Variants in AGBL1 observed in about 807,000 individuals in gnomAD.
AGBL1 encodes the protein AGBL carboxypeptidase 1.
In AGBL1, 130 loss-of-function variants were observed where a neutral mutation model predicts 118.9. That is an observed-to-expected ratio of 1.09 (90% CI 0.95 to 1.26). AGBL1 has a LOEUF of 1.26. Among genes scored for constraint, AGBL1 ranks in the 50% most tolerant of loss-of-function variants. AGBL1 has a pLI of 0.00. For synonymous variants in AGBL1, 555 were observed against 478.9 expected (o/e 1.16, Z -2.08); for missense variants, 1,584 against 1,298.1 (o/e 1.22, Z -3.38).
At chr15:86,827,505 A>G (rs1234769860) in intron 22 of AGBL1, among the ~76,000 whole-genome samples, 6 of 62,514 alleles carry the variant, frequency 9.6e-5, no homozygotes, top group South Asian at 5.5e-4. Flanking sequence ...ATATATATAT[A>G]TATATATATA....
Position 86,236,062 on chromosome 15 carries a change from C to T in AGBL1, c.526+11111C>T, listed in dbSNP as rs769352733. Among the ~76,000 whole-genome samples, 132 of 152,340 alleles carry T rather than the reference C, an allele frequency of 8.7e-4. 3 individuals carry two copies. Among genetic ancestry groups the T allele is most frequent in the Middle Eastern group, 6.8e-3 (2 of 294 alleles). On this transcript the variant is annotated intron_variant, in intron 6 of 22. Coordinates refer to ENST00000614907, the MANE Select transcript of AGBL1 (RefSeq NM_001386094.1). ...ATATTGGGACTAACCTCTACTCCTT[C>T]CTTTCACTACTGCAGGTTTTAAACT...
At position 86,468,410 on chromosome 15, in the gene AGBL1, T is replaced by A. The variant is rs560839812; in HGVS notation, c.2556-54400T>A. 5.9e-5 allele frequency among the ~76,000 whole-genome samples: 9 copies of A among 152,292 alleles called. No individual in the cohort carries two copies. The South Asian group carries it at 1.9e-3, about 32-fold the overall frequency. ...AGGCTTGTTAAGCTTGGGGTGTAGTTTCCCAGACCGCACTGCTGGAATCTG... is the reference window on the plus strand; with the variant it reads ...AGGCTTGTTAAGCTTGGGGTGTAGTATCCCAGACCGCACTGCTGGAATCTG... On this transcript the variant is annotated intron_variant, in intron 18 of 22. Transcript: ENST00000614907.
intron 22 of AGBL1, among the ~76,000 whole-genome samples, chr15:86,779,244 T>A (rs1046020830): frequency 1.3e-5 from 2 of 152,238 alleles, no homozygotes; most frequent in Non-Finnish European, 2.9e-5. Flanking sequence ...GAAGGCACCA[T>A]CTGTGAACCA....
intron 18 of AGBL1, among the ~76,000 whole-genome samples, chr15:86,516,004 G>A (rs1596212379): frequency 6.6e-6 from 1 of 152,270 alleles, no homozygotes; most frequent in Middle Eastern, 3.4e-3. Context: ...TCAAAGCGGG[G>A]GAGGGAGCTT....
rs79626982 is a variant in AGBL1, at chr15:86,894,437, A to C, written c.3159-12650A>C. 5.8e-4 allele frequency among the ~76,000 whole-genome samples: 89 copies of C among 152,264 alleles called. 4 individuals carry two copies. The East Asian group carries it at 0.017, about 29-fold the overall frequency. On this transcript the variant is annotated intron_variant, in intron 22 of 22. Coordinates refer to ENST00000614907, the MANE Select transcript of AGBL1 (RefSeq NM_001386094.1). ...TGAGCTGCAGAGAGAGCAACTCTGC[A>C]TGACGTTGGAGCTTTATTTTAGAAG...
At chr15:86,250,825 C>G (rs1390868) in intron 7 of AGBL1, among the ~76,000 whole-genome samples, 1 of 152,204 alleles carries the variant, frequency 6.6e-6, no homozygotes. Context: ...CACCCCTCCT[C>G]TCCCTTCTGC....
chr15:86,512,833 T>C (rs998209085), intron 18 of AGBL1, among the ~76,000 whole-genome samples: 1 of 151,766 alleles, frequency 6.6e-6, no homozygotes, highest in Non-Finnish European at 1.5e-5. Context: ...CTACACTAGG[T>C]TTTATTTACA....
rs983182218 is a variant in AGBL1 at position 86,280,512 on chromosome 15, C to T, written c.2220+729C>T. ...CATTTGAAAAAGCTGGCAAACTAAC[C>T]CTTACTGCTACCATTTCGTGGATAT... On this transcript the variant is annotated intron_variant, in intron 16 of 22. Transcript: ENST00000614907. Among the ~76,000 whole-genome samples the T allele has an allele frequency of 5.9e-5, 9 of 152,278 alleles. 1 individual carries two copies. In the Middle Eastern group the frequency reaches 0.027, roughly 460 times the overall value.
chr15:86,519,063 T>A lies in AGBL1; in HGVS notation c.2556-3747T>A, dbSNP rs550556492. Among the ~76,000 whole-genome samples, 17 of 152,252 alleles carry A rather than the reference T, an allele frequency of 1.1e-4. 1 individual carries two copies. In the South Asian group the frequency reaches 3.5e-3, roughly 32 times the overall value. ...GAAGTGGATAATTTTTCCCTGTAAC[T>A]TATTTTCAGTGAAGGGAAAAATAAC... is the stretch of plus-strand genomic sequence containing the variant. On this transcript the variant is annotated intron_variant, in intron 18 of 22. Transcript: ENST00000614907.
chr15:87,019,939 A>G (rs2081645506), intron 24 of AGBL1, among the ~76,000 whole-genome samples: 2 of 151,976 alleles, frequency 1.3e-5, no homozygotes, highest in Non-Finnish European at 2.9e-5. Context: ...ATCACCACTG[A>G]CCCCACAGAA....
chr15:86,797,111 G>T (rs1349233077), intron 22 of AGBL1, among the ~76,000 whole-genome samples: 1 of 152,182 alleles, frequency 6.6e-6, no homozygotes, highest in Non-Finnish European at 1.5e-5. Flanking sequence ...TGACCTTGCA[G>T]GACCTCTGAA....
At chr15:86,720,155 G>T (rs954056359) in intron 22 of AGBL1, among the ~76,000 whole-genome samples, 1 of 152,132 alleles carries the variant, frequency 6.6e-6, no homozygotes, top group East Asian at 1.9e-4. Flanking sequence ...ACTTACATGG[G>T]CAATCAATCC....
intron 21 of AGBL1, among the ~76,000 whole-genome samples, chr15:86,562,998 A>T (rs1313081664): frequency 1.3e-5 from 2 of 151,812 alleles, no homozygotes; most frequent in African/African-American, 4.8e-5. Flanking sequence ...TATCCCCTTT[A>T]TCATTTTTTA....
intron 22 of AGBL1, among the ~76,000 whole-genome samples, chr15:86,872,209 C>A (rs2079739447): frequency 6.6e-6 from 1 of 152,194 alleles, no homozygotes; most frequent in East Asian, 1.9e-4. Context: ...AAATCACAAG[C>A]AGTGCCTGTG....
At chr15:86,561,849 C>T (rs1415078287) in intron 21 of AGBL1, among the ~76,000 whole-genome samples, 1 of 152,110 alleles carries the variant, frequency 6.6e-6, no homozygotes, top group Non-Finnish European at 1.5e-5. Context: ...GTTTGTAGTT[C>T]TCCTTGAAGA....
chr15:86,960,627 C>T (rs1421983070), intron 23 of AGBL1, among the ~76,000 whole-genome samples: 2 of 151,818 alleles, frequency 1.3e-5, no homozygotes, highest in Non-Finnish European at 2.9e-5. Context: ...ATATATCCCC[C>T]CCAAAAAGAA....
chr15:86,410,080 C>T (rs1456678496), intron 18 of AGBL1, among the ~76,000 whole-genome samples: 1 of 152,146 alleles, frequency 6.6e-6, no homozygotes, highest in Admixed American at 6.5e-5. Flanking sequence ...TTCTCAATTT[C>T]TAAATACATC....
intron 22 of AGBL1, among the ~76,000 whole-genome samples, chr15:86,678,746 T>A (rs768624810): frequency 2.6e-5 from 4 of 152,116 alleles, no homozygotes; most frequent in South Asian, 2.1e-4. Flanking sequence ...TGTTTATCTA[T>A]CTGTTATTGA....
At chr15:86,898,270 T>G (rs1567229797) in intron 22 of AGBL1, among the ~76,000 whole-genome samples, 1 of 152,164 alleles carries the variant, frequency 6.6e-6, no homozygotes, top group Admixed American at 6.5e-5. Flanking sequence ...TCATGAAATC[T>G]TTTCTGATTC....
Sources: allele counts gnomAD v4.1 joint callset (sites outside exome capture counted in the v4.1 genomes callset), GRCh38; gene constraint gnomAD v4.1.1; transcripts MANE v1.5; gene names NCBI Gene and HGNC (gene_info 2026-07-23, HGNC 2026-07-21).